The following CIBAR2 variants were observed in gnomAD, a reference collection of about 807,000 sequenced individuals.
The protein encoded by CIBAR2 is CBY1-interacting BAR domain-containing protein 2.
CIBAR2 carries 38 observed loss-of-function variants against 36.2 expected under a neutral mutation model. The ratio of observed to expected loss-of-function variants is 1.05; its 90% CI spans 0.81 to 1.38. The LOEUF (loss-of-function observed/expected upper bound fraction) is 1.38. CIBAR2 is among the 40% of genes most tolerant of loss of function. CIBAR2 has a pLI of 0.00. For missense variants in CIBAR2, 481 were observed against 383.4 expected (o/e 1.25, Z -2.13); for synonymous variants, 182 against 149.5 (o/e 1.22, Z -1.58).
intron 5 of CIBAR2, 33 bp from the exon 6 acceptor site, chr16:85,105,464 C>T: frequency 6.6e-7 from 1 of 1,522,650 alleles, no homozygotes; most frequent in Non-Finnish European, 9.1e-7. Context: ...TAGAAAGTGT[C>T]ATGGGGGTGC....
Position 85,110,381 on chromosome 16 carries a change from C to G in CIBAR2, c.100G>C (p.Ala34Pro). The G allele has an allele frequency of 6.2e-7, 1 of 1,613,368 alleles. No individual in the cohort carries two copies. Among genetic ancestry groups the G allele is most frequent in the Non-Finnish European group, 8.5e-7 (1 of 1,179,772 alleles). ...AGCCGGGCCGTCTTGCGCGTGTAGG[C>G]GGCCAGCAGCGAGCAGAACTGCCCA... Reference protein sequence around the residue: ...YFGQFCSLLAAYTRKTARLRD... With the variant: ...YFGQFCSLLAPYTRKTARLRD... Residue 34 changes from alanine to proline, a missense_variant, in exon 2 of 9, where the codon GCC (alanine) becomes CCC (proline). Ala to Pro is a conservative substitution (Grantham distance 27). Transcript: ENST00000539556.
At chr16:85,105,300 C>A (rs758884926) in intron 6 of CIBAR2, 27 bp downstream of exon 6, 6 of 1,476,036 alleles carry the variant, frequency 4.1e-6, no homozygotes, top group South Asian at 3.4e-5. Flanking sequence ...GCCCAGGGCG[C>A]CTCCCATCCC....
chr16:85,105,231 C>T, intron 6 of CIBAR2, 96 bp downstream of exon 6: 4 of 742,928 alleles, frequency 5.4e-6, no homozygotes, highest in Non-Finnish European at 9.3e-6. Flanking sequence ...CATACACACT[C>T]ATGCTGAAGC....
chr16:85,110,307 G>A lies in CIBAR2; in HGVS notation c.174C>T (p.Asn58=), dbSNP rs772868767. ...TGGCCCGCAGCTCGGGGTTCTCGGAGTTGGCAAAGTCGATGAGCTGCTTGA... is the reference window on the plus strand; with the variant it reads ...TGGCCCGCAGCTCGGGGTTCTCGGAATTGGCAAAGTCGATGAGCTGCTTGA... ...QLVKQLIDFA[N]SENPELRATM... is the part of the protein sequence containing the mutation. The change falls in exon 2 of 9, where the codon AAC becomes AAT. Residue 58 remains asparagine, a synonymous_variant. Transcript: ENST00000539556. The A allele has an allele frequency of 1.2e-5, 19 of 1,612,134 alleles. No homozygotes were observed. The highest frequency in any genetic ancestry group is 1.5e-5 in the Non-Finnish European group (18 of 1,178,868).
rs375723278 is a variant in CIBAR2 at position 85,108,014 on chromosome 16, G to A, written c.324+17C>T. 312 of 1,613,710 alleles carry A rather than the reference G, an allele frequency of 1.9e-4. No homozygotes were observed. The highest frequency in any genetic ancestry group is 2.3e-4 in the Non-Finnish European group (274 of 1,179,752). On this transcript the variant is annotated intron_variant, in intron 3 of 8. Coordinates refer to ENST00000539556, the MANE Select transcript of CIBAR2 (RefSeq NM_198491.3). ...GCAAGACAGGGATGCCACCCACACC[G>A]AGGTGCCCCGGCTCACCCGTGTCTG...
Position 85,105,391 on chromosome 16 carries a change from C to A in CIBAR2, c.473G>T (p.Arg158Leu), listed in dbSNP as rs371379522. ...AGTCTCCTCCAGCTGGAGGGTGGTG[C>A]GGCTGGAGTCCACAGCGGCCCTCTG... Reference protein sequence around the residue: ...RVQRAAVDSSRTTLQLEETVD... With the variant: ...RVQRAAVDSSLTTLQLEETVD... The change falls in exon 6 of 9, where the codon CGC becomes CTC. Residue 158 changes from arginine to leucine, a missense_variant. By Grantham distance (102) the Arg-to-Leu change is moderately radical. Transcript: ENST00000539556. 2.8e-5 allele frequency: 45 copies of A among 1,613,660 alleles called. No homozygotes were observed. The highest frequency in any genetic ancestry group is 3.3e-5 in the South Asian group (3 of 91,080).
intron 1 of CIBAR2, among the ~76,000 whole-genome samples, chr16:85,112,025 G>A (rs542366086): frequency 6.6e-6 from 1 of 152,314 alleles, no homozygotes; most frequent in Non-Finnish European, 1.5e-5. Flanking sequence ...CCTGGTTGGG[G>A]TTGAGGTGTG....
chr16:85,105,058 G>A (rs1375331505), intron 6 of CIBAR2, among the ~76,000 whole-genome samples: 2 of 152,196 alleles, frequency 1.3e-5, no homozygotes, highest in Non-Finnish European at 2.9e-5. Flanking sequence ...ACTCTTCCTG[G>A]CTAGGAGCTG....
intron 6 of CIBAR2, among the ~76,000 whole-genome samples, chr16:85,104,456 C>G (rs2073979591): frequency 6.6e-6 from 1 of 151,894 alleles, no homozygotes; most frequent in African/African-American, 2.4e-5. Flanking sequence ...ACCTATAATC[C>G]CAGCACTTTA....
At chr16:85,107,606 G>T in intron 5 of CIBAR2, 61 bp downstream of exon 5, 3 of 1,579,796 alleles carry the variant, frequency 1.9e-6, no homozygotes, top group African/African-American at 1.3e-5. Context: ...TGGCCGTTTT[G>T]TGAGGTCGTG....
chr16:85,108,933 T>C (rs2074019155), intron 2 of CIBAR2, among the ~76,000 whole-genome samples: 2 of 151,982 alleles, frequency 1.3e-5, no homozygotes, highest in South Asian at 4.2e-4. Context: ...CAATCGGGAA[T>C]GTCTTTGTGA....
intron 5 of CIBAR2, among the ~76,000 whole-genome samples, chr16:85,107,018 C>T (rs2074001085): frequency 6.6e-6 from 1 of 152,124 alleles, no homozygotes; most frequent in Admixed American, 6.5e-5. Flanking sequence ...CAGTGGTGGG[C>T]ACCTGTAATC....
chr16:85,105,546 A>G lies in CIBAR2; in HGVS notation c.433-115T>C, dbSNP rs538260069. 22 of 726,930 alleles carry G rather than the reference A, an allele frequency of 3.0e-5. No individual in the cohort carries two copies. The Admixed American group carries it at 5.5e-4, about 18-fold the overall frequency. 45.0% of individuals were successfully genotyped at this position (726,930 alleles called of 1,614,324 possible). A position where few individuals can be genotyped will look rare whatever the true frequency, so the allele number is the denominator to read the frequency against. ...TCTCTCAGGCCAGTTCTCCTGCCTC[A>G]AGGGACGTTTCTTGCTAATTGGGTC... On this transcript the variant is annotated intron_variant, in intron 5 of 8. Transcript: ENST00000539556.
intron 7 of CIBAR2, among the ~76,000 whole-genome samples, chr16:85,101,612 T>G (rs2073955794): frequency 6.6e-6 from 1 of 152,158 alleles, no homozygotes; most frequent in African/African-American, 2.4e-5. Context: ...ATTTCAAAAC[T>G]ACATCAAGCA....
rs1475586647 is a variant in CIBAR2 at position 85,101,034 on chromosome 16, A to G, written c.652-794T>C. Among the ~76,000 whole-genome samples the G allele has an allele frequency of 6.0e-5, 9 of 149,622 alleles. No individual in the cohort carries two copies. In the East Asian group the frequency reaches 1.6e-3, roughly 26 times the overall value. ...GCACTCCAGCCTGGGCGACACAGCGAGACTCCGTCTCAAAAAAAAAAAAAA... is the reference window on the plus strand; with the variant it reads ...GCACTCCAGCCTGGGCGACACAGCGGGACTCCGTCTCAAAAAAAAAAAAAA... On this transcript the variant is annotated intron_variant, in intron 7 of 8. Coordinates refer to ENST00000539556, the MANE Select transcript of CIBAR2 (RefSeq NM_198491.3).
chr16:85,110,497 G>T (rs368047288), intron 1 of CIBAR2, 37 bp from the exon 2 acceptor site: 3 of 1,474,060 alleles, frequency 2.0e-6, no homozygotes, highest in Non-Finnish European at 2.8e-6. Context: ...ATTCTGGGCA[G>T]AGATGCAGGG....
At chr16:85,104,121 T>C (rs917459939) in intron 6 of CIBAR2, among the ~76,000 whole-genome samples, 2 of 152,164 alleles carry the variant, frequency 1.3e-5, no homozygotes, top group Admixed American at 1.3e-4. Context: ...GAGTAGGGTG[T>C]ATAAACAAGG....
Position 85,102,264 on chromosome 16 carries a change from A to G in CIBAR2, c.601T>C (p.Ser201Pro). Reference sequence around the variant, plus strand: ...TTCTCCAGGGTCTGGAAGGCGCTAGAATACACCTCCACCGCTTTGGCATGG... The same window carrying G: ...TTCTCCAGGGTCTGGAAGGCGCTAGGATACACCTCCACCGCTTTGGCATGG... ...VFHAKAVEVY[S>P]SAFQTLEKYD... The change falls in exon 7 of 9, where the codon TCT becomes CCT. Residue 201 changes from serine to proline, a missense_variant. Ser to Pro is a moderately conservative substitution (Grantham distance 74, BLOSUM62 -1). Coordinates refer to ENST00000539556, the MANE Select transcript of CIBAR2 (RefSeq NM_198491.3). 6.2e-7 allele frequency: 1 copy of G among 1,613,890 alleles called. No individual in the cohort carries two copies. Among genetic ancestry groups the G allele is most frequent in the South Asian group, 1.1e-5 (1 of 91,078 alleles).
intron 6 of CIBAR2, 102 bp downstream of exon 6, chr16:85,105,225 C>A: frequency 1.4e-6 from 1 of 715,476 alleles, no homozygotes; most frequent in Non-Finnish European, 2.4e-6. Context: ...CAGACCCATA[C>A]ACACTCATGC....
Sources: gnomAD v4.1 joint callset for allele counts (sites outside exome capture counted in the v4.1 genomes callset) on GRCh38, gnomAD v4.1.1 for gene constraint, MANE v1.5 for transcripts, NCBI Gene and HGNC (gene_info 2026-07-23, HGNC 2026-07-21) for gene names.